Variants in RBFOX1 observed in about 807,000 individuals in gnomAD.
RBFOX1 encodes the protein RNA binding fox-1 homolog 1.
Under a neutral mutation model 57.7 loss-of-function variants are expected in RBFOX1, and 8 were observed. That is an observed-to-expected ratio of 0.14 (90% CI 0.08 to 0.25). The LOEUF (loss-of-function observed/expected upper bound fraction) is 0.25. Among genes scored for constraint, RBFOX1 ranks in the 10% least tolerant of loss-of-function variants. The probability of loss-of-function intolerance (pLI) is 1.00; values close to 1 mark genes in which losing one functional copy is unlikely to be tolerated. For missense variants in RBFOX1, 611 were observed against 548.5 expected, an observed-to-expected ratio of 1.11 and a Z score of -1.14; for synonymous variants, 326 against 222.4, an observed-to-expected ratio of 1.47 and a Z score of -4.15.
chr16:6,889,208 C>G (rs867914987), intron 3 of RBFOX1, among the ~76,000 whole-genome samples: 1 of 152,210 alleles, frequency 6.6e-6, no homozygotes, highest in Non-Finnish European at 1.5e-5. Context: ...CCACCCCTGT[C>G]TTTGAGCCTT....
intron 3 of RBFOX1, among the ~76,000 whole-genome samples, chr16:5,785,335 C>G (rs1004627484): frequency 3.6e-4 from 54 of 152,042 alleles, no homozygotes; most frequent in African/African-American, 1.2e-3. Context: ...GGAGCTGGCT[C>G]AAAACTATCC....
chr16:6,486,193 CTT>C (rs1194677472), intron 2 of RBFOX1, among the ~76,000 whole-genome samples: 1 of 139,422 alleles, frequency 7.2e-6, no homozygotes, highest in Non-Finnish European at 1.5e-5. Flanking sequence ...GTGTATATGA[CTT>C]TTGTTTTGAG....
intron 3 of RBFOX1, among the ~76,000 whole-genome samples, chr16:6,917,799 C>T (rs1441602292): frequency 6.6e-6 from 1 of 152,152 alleles, no homozygotes; most frequent in Non-Finnish European, 1.5e-5. Flanking sequence ...AGTAGCAGAC[C>T]TTCAGCTGCC....
intron 4 of RBFOX1, among the ~76,000 whole-genome samples, chr16:7,168,156 C>G (rs1032156983): frequency 6.6e-6 from 1 of 152,170 alleles, no homozygotes; most frequent in African/African-American, 2.4e-5. Flanking sequence ...CATTAAAGTT[C>G]ACTTATCAAT....
intron 4 of RBFOX1, among the ~76,000 whole-genome samples, chr16:5,978,334 A>T (rs892588083): frequency 4.6e-5 from 7 of 151,638 alleles, no homozygotes; most frequent in Admixed American, 2.6e-4. Context: ...AAATAAAAAT[A>T]AAAAATAAAA....
At chr16:6,908,064 C>T (rs1175338977) in intron 3 of RBFOX1, among the ~76,000 whole-genome samples, 5 of 151,770 alleles carry the variant, frequency 3.3e-5, no homozygotes, top group Non-Finnish European at 5.9e-5. Context: ...TGATCTTCTG[C>T]AGAGACCCCA....
chr16:6,885,224 T>C (rs927266011), intron 3 of RBFOX1, among the ~76,000 whole-genome samples: 2 of 152,104 alleles, frequency 1.3e-5, no homozygotes, highest in African/African-American at 4.8e-5. Context: ...GAACTGTGGT[T>C]TTTCAGATGT....
intron 1 of RBFOX1, among the ~76,000 whole-genome samples, chr16:6,213,025 C>T (rs2097308827): frequency 6.6e-6 from 1 of 152,140 alleles, no homozygotes; most frequent in Non-Finnish European, 1.5e-5. Context: ...CTGGAGACAT[C>T]CCTGCGTTGT....
chr16:7,679,045 T>G (rs1229182371), intron 14 of RBFOX1, among the ~76,000 whole-genome samples: 1 of 152,180 alleles, frequency 6.6e-6, no homozygotes, highest in Non-Finnish European at 1.5e-5. Context: ...CTATTTAACT[T>G]TATCATAAGC....
At chr16:7,528,591 G>T (rs1420835183) in intron 5 of RBFOX1, among the ~76,000 whole-genome samples, 2 of 152,114 alleles carry the variant, frequency 1.3e-5, no homozygotes, top group Non-Finnish European at 2.9e-5. Flanking sequence ...TGATCCTCCT[G>T]CCTCAATAGC....
chr16:6,545,784 A>T (rs957864863), intron 2 of RBFOX1, among the ~76,000 whole-genome samples: 2 of 152,214 alleles, frequency 1.3e-5, no homozygotes, highest in Non-Finnish European at 1.5e-5. Context: ...TGAGGAAGGC[A>T]TATAGTGGAC....
intron 4 of RBFOX1, among the ~76,000 whole-genome samples, chr16:7,137,964 C>G (rs563297261): frequency 1.4e-4 from 21 of 152,230 alleles, no homozygotes; most frequent in African/African-American, 4.8e-4. Flanking sequence ...CCTCTATTTT[C>G]ATGGTTTTAC....
Position 5,267,079 on chromosome 16 carries a change from T to G in RBFOX1, c.219+26974T>G, listed in dbSNP as rs559457856. Among the ~76,000 whole-genome samples the G allele has an allele frequency of 9.8e-5, 14 of 143,494 alleles. No individual in the cohort carries two copies. In the East Asian group the frequency reaches 2.9e-3, roughly 30 times the overall value. 94.1% of individuals were successfully genotyped at this position (143,494 alleles called of 152,430 possible). ...AAGGTGTCATAGCCAAGGAGAGGAG[T>G]GTGTTGTGTACATCTCTGCATAAAG... On this transcript the variant is annotated intron_variant, in intron 1 of 2. Coordinates refer to the RBFOX1 transcript ENST00000585867.
intron 4 of RBFOX1, among the ~76,000 whole-genome samples, chr16:5,889,149 G>T (rs977429155): frequency 6.6e-6 from 1 of 152,160 alleles, no homozygotes; most frequent in African/African-American, 2.4e-5. Flanking sequence ...GCTTGTAAAT[G>T]TGTGCCATGG....
intron 2 of RBFOX1, among the ~76,000 whole-genome samples, chr16:5,575,613 T>A (rs1240826641): frequency 2.6e-5 from 4 of 152,292 alleles, no homozygotes; most frequent in Non-Finnish European, 4.4e-5. Flanking sequence ...GCTACCTGTC[T>A]CCGAAGCAAA....
chr16:6,215,876 A>G (rs1422147800), intron 1 of RBFOX1, among the ~76,000 whole-genome samples: 1 of 152,174 alleles, frequency 6.6e-6, no homozygotes, highest in African/African-American at 2.4e-5. Flanking sequence ...CCACATGCCC[A>G]CTGAAAGGAT....
chr16:5,604,860 G>A (rs540234323), downstream of RBFOX1, among the ~76,000 whole-genome samples: 1 of 152,274 alleles, frequency 6.6e-6, no homozygotes, highest in East Asian at 1.9e-4. Flanking sequence ...TCATCTGGAC[G>A]TCTTAACTTC....
intron 3 of RBFOX1, among the ~76,000 whole-genome samples, chr16:5,855,435 G>A (rs1597502501): frequency 6.6e-6 from 1 of 152,048 alleles, no homozygotes; most frequent in Non-Finnish European, 1.5e-5. Context: ...ATATTCTTTT[G>A]CCTGTGGATA....
chr16:7,056,866 A>G (rs1868313865), intron 4 of RBFOX1, among the ~76,000 whole-genome samples: 1 of 152,156 alleles, frequency 6.6e-6, no homozygotes, highest in South Asian at 2.1e-4. Flanking sequence ...TCAGCATACT[A>G]GGAAGGGTGG....
Sources: allele counts gnomAD v4.1 joint callset (sites outside exome capture counted in the v4.1 genomes callset), GRCh38; gene constraint gnomAD v4.1.1; transcripts MANE v1.5; gene names NCBI Gene and HGNC (gene_info 2026-07-23, HGNC 2026-07-21).